Variants in TRIM33 observed in about 807,000 individuals in gnomAD.
The protein encoded by TRIM33 is tripartite motif containing 33.
A neutral mutation model predicts 125.4 loss-of-function variants in TRIM33; 20 were observed. The observed-to-expected ratio is 0.16, with a 90% confidence interval of 0.11 to 0.23. The LOEUF (loss-of-function observed/expected upper bound fraction) is 0.23, where lower values mean the gene tolerates loss of function less well. Ranked by LOEUF, TRIM33 falls within the 10% of genes least tolerant of loss-of-function variation. The probability of loss-of-function intolerance (pLI) is 1.00; values close to 1 mark genes in which losing one functional copy is unlikely to be tolerated. For missense variants in TRIM33, 920 were observed against 1,411.4 expected (o/e 0.65, Z 5.58); for synonymous variants, 564 against 513.9 (o/e 1.10, Z -1.32).
chr1:114,463,009 A>G, intron 4 of TRIM33, 95 bp downstream of exon 4: 1 of 950,458 alleles, frequency 1.1e-6, no homozygotes, highest in Non-Finnish European at 1.5e-6. Context: ...AAAGATTAAG[A>G]CACAAACATA....
intron 4 of TRIM33, among the ~76,000 whole-genome samples, chr1:114,458,445 AG>A (rs1219592572): frequency 3.1e-4 from 47 of 152,134 alleles, no homozygotes; most frequent in African/African-American, 1.1e-3. Flanking sequence ...CCATACCAAG[AG>A]ACTAATTCAA....
At chr1:114,489,650 T>A (rs60562558) in intron 1 of TRIM33, among the ~76,000 whole-genome samples, 9,502 of 151,458 alleles carry the variant, frequency 0.063, 319 homozygotes, top group African/African-American at 0.086. Context: ...GAGGCTGGGG[T>A]GGGAGGATTA....
chr1:114,480,872 G>C (rs553042814), intron 1 of TRIM33, among the ~76,000 whole-genome samples: 1 of 152,132 alleles, frequency 6.6e-6, no homozygotes, highest in African/African-American at 2.4e-5. Context: ...TAAAGTAAAA[G>C]GAGAGGAGAA....
intron 1 of TRIM33, among the ~76,000 whole-genome samples, chr1:114,487,960 T>A (rs1232618284): frequency 6.7e-6 from 1 of 149,786 alleles, no homozygotes; most frequent in South Asian, 2.1e-4. Flanking sequence ...TTTCTTCTCA[T>A]GGATTTCTTA....
At chr1:114,427,715 A>C (rs772767462) in intron 7 of TRIM33, 33 bp downstream of exon 7, 2 of 1,596,596 alleles carry the variant, frequency 1.3e-6, no homozygotes, top group East Asian at 4.5e-5. Context: ...AATAAAGTCC[A>C]TTAAAGAAAA....
intron 1 of TRIM33, among the ~76,000 whole-genome samples, chr1:114,476,662 A>T (rs1333614374): frequency 6.6e-6 from 1 of 152,176 alleles, no homozygotes; most frequent in South Asian, 2.1e-4. Context: ...AGACAAAGCA[A>T]AACAATTTTA....
intron 1 of TRIM33, among the ~76,000 whole-genome samples, chr1:114,468,084 G>C (rs934166765): frequency 2.0e-5 from 3 of 152,208 alleles, no homozygotes; most frequent in African/African-American, 7.2e-5. Flanking sequence ...AGATTGTCAA[G>C]TCGTGCCAGA....
At chr1:114,401,344 G>C (rs1651876439) in intron 17 of TRIM33, 45 bp downstream of exon 17, 2 of 1,542,196 alleles carry the variant, frequency 1.3e-6, no homozygotes, top group South Asian at 2.2e-5. Flanking sequence ...ATACTCTTAA[G>C]TATTATGAGA....
rs1474598493 is a variant in TRIM33 at position 114,425,716 on chromosome 1, T to C, written c.1428A>G (p.Leu476=). The change falls in exon 9 of 20, where the codon CTA becomes CTG. Residue 476 remains leucine, a synonymous_variant. Coordinates refer to ENST00000358465, the MANE Select transcript of TRIM33 (RefSeq NM_015906.4). ...CAGGAGCTGGTTTACTCTCTATTAC[T>C]AGATTACCTGAAAAATTTAAAAAAT... ...WAKNVVNLGN[L]VIESKPAPGY... is the part of the protein sequence containing the mutation. The C allele has an allele frequency of 2.5e-6, 4 of 1,586,536 alleles. No homozygotes were observed. The highest frequency in any genetic ancestry group is 3.7e-5 in the Admixed American group (2 of 54,398).
intron 4 of TRIM33, among the ~76,000 whole-genome samples, chr1:114,444,129 G>C (rs1166929925): frequency 6.6e-6 from 1 of 152,206 alleles, no homozygotes; most frequent in Non-Finnish European, 1.5e-5. Flanking sequence ...GCGAAGTAGA[G>C]CAGAGGCAAA....
Position 114,425,521 on chromosome 1 carries a change from T to G in TRIM33, c.1623A>C (p.Ala541=). ...TTGTTGTTGTTGTAGTTGGTACAGGTGCTGGTGGTTGCTGCATCCTCATCT... is the reference window on the plus strand; with the variant it reads ...TTGTTGTTGTTGTAGTTGGTACAGGGGCTGGTGGTTGCTGCATCCTCATCT... ...LQQMRMQQPP[A]PVPTTTTTTQ... The change falls in exon 9 of 20, where the codon GCA becomes GCC. Residue 541 remains alanine, a synonymous_variant. Transcript: ENST00000358465. The G allele has an allele frequency of 6.2e-7, 1 of 1,614,154 alleles. No individual in the cohort carries two copies. Among genetic ancestry groups the G allele is most frequent in the Non-Finnish European group, 8.5e-7 (1 of 1,180,022 alleles).
chr1:114,505,270 C>G (rs913628841), intron 1 of TRIM33, among the ~76,000 whole-genome samples: 10 of 152,162 alleles, frequency 6.6e-5, no homozygotes, highest in African/African-American at 2.2e-4. Flanking sequence ...ACCACATGAT[C>G]ATTCAAACAC....
intron 11 of TRIM33, among the ~76,000 whole-genome samples, chr1:114,412,982 T>C (rs1652686540): frequency 6.6e-6 from 1 of 152,270 alleles, no homozygotes; most frequent in Non-Finnish European, 1.5e-5. Flanking sequence ...TTGAAGGTTC[T>C]AGTTCCTCCA....
intron 18 of TRIM33, 114 bp from the exon 19 acceptor site, chr1:114,398,104 G>T: frequency 9.8e-7 from 1 of 1,020,360 alleles, no homozygotes; most frequent in Non-Finnish European, 1.4e-6. Flanking sequence ...AGAACAAATT[G>T]CTATAACCAG....
At chr1:114,491,576 T>C (rs950254755) in intron 1 of TRIM33, among the ~76,000 whole-genome samples, 4 of 152,022 alleles carry the variant, frequency 2.6e-5, no homozygotes, top group Admixed American at 2.0e-4. Flanking sequence ...CTAAAGTAGG[T>C]AGATAAAGCT....
Position 114,441,056 on chromosome 1 carries a change from G to A in TRIM33, c.924-7323C>T, listed in dbSNP as rs147469977. Among the ~76,000 whole-genome samples the A allele has an allele frequency of 1.6e-3, 246 of 152,262 alleles. 4 individuals are homozygous for A. Among genetic ancestry groups the A allele is most frequent in the African/African-American group, 5.7e-3 (236 of 41,544 alleles). On this transcript the variant is annotated intron_variant, in intron 4 of 19. Transcript: ENST00000358465. ...GGCATGGTGGCTCACCCCGTAATCC[G>A]CAACAATTTCGGAGGCTGAAGTGGG...
chr1:114,467,027 C>A (rs1650346088), intron 1 of TRIM33, among the ~76,000 whole-genome samples: 1 of 152,206 alleles, frequency 6.6e-6, no homozygotes, highest in African/African-American at 2.4e-5. Context: ...GATTAAGAAA[C>A]ATTCTGAAGG....
At chr1:114,496,451 T>C (rs1652371369) in intron 1 of TRIM33, among the ~76,000 whole-genome samples, 1 of 152,190 alleles carries the variant, frequency 6.6e-6, no homozygotes, top group Non-Finnish European at 1.5e-5. Context: ...CACACAACAC[T>C]GCCTGAAATC....
intron 11 of TRIM33, among the ~76,000 whole-genome samples, chr1:114,417,871 G>T (rs1364060529): frequency 6.6e-6 from 1 of 152,002 alleles, no homozygotes; most frequent in African/African-American, 2.4e-5. Context: ...GGTCAGGCTG[G>T]TCTCAAACTC....
Sources: allele counts gnomAD v4.1 joint callset (sites outside exome capture counted in the v4.1 genomes callset), GRCh38; gene constraint gnomAD v4.1.1; transcripts MANE v1.5; gene names NCBI Gene and HGNC (gene_info 2026-07-23, HGNC 2026-07-21).